Variants in NQO2 observed in about 807,000 individuals in gnomAD.
NQO2 encodes ribosyldihydronicotinamide dehydrogenase [quinone].
NQO2 carries 18 observed loss-of-function variants against 22.0 expected under a neutral mutation model. That is an observed-to-expected ratio of 0.82 (90% CI 0.56 to 1.21). The LOEUF is 1.21. Among genes scored for constraint, NQO2 ranks in the 50% most tolerant of loss-of-function variants. The probability of loss-of-function intolerance (pLI) is 0.00; values close to 1 mark genes in which losing one functional copy is unlikely to be tolerated. For missense variants in NQO2, 267 were observed against 286.9 expected (o/e 0.93, Z 0.50); for synonymous variants, 106 against 110.8 (o/e 0.96, Z 0.28).
At chr6:3,009,909 T>G in intron 2 of NQO2, 116 bp from the exon 3 acceptor site, 2 of 1,440,894 alleles carry the variant, frequency 1.4e-6, no homozygotes, top group Non-Finnish European at 1.8e-6. Flanking sequence ...AAATTTGATA[T>G]TTCTTAGCTT....
At chr6:3,012,102 G>A (rs188473950) in intron 3 of NQO2, among the ~76,000 whole-genome samples, 25 of 152,260 alleles carry the variant, frequency 1.6e-4, no homozygotes, top group African/African-American at 2.6e-4. Flanking sequence ...TAATCACTAC[G>A]TGACCTGTTA....
chr6:3,010,964 A>AT (rs1244502796), intron 3 of NQO2, among the ~76,000 whole-genome samples: 6 of 151,722 alleles, frequency 4.0e-5, no homozygotes, highest in African/African-American at 2.4e-5. Context: ...AAAAAAAAAA[A>AT]TTTAATAAGA....
chr6:3,006,587 C>T lies in NQO2; in HGVS notation c.7+28C>T. The T allele has an allele frequency of 1.7e-6, 2 of 1,183,764 alleles. No homozygotes were observed. Among genetic ancestry groups the T allele is most frequent in the South Asian group, 3.1e-5 (2 of 64,074 alleles). The allele number at this position is 1,183,764 out of a possible 1,614,324, so 73.3% of individuals were successfully genotyped here. On this transcript the variant is annotated intron_variant, in intron 2 of 6. Coordinates refer to ENST00000380455, the MANE Select transcript of NQO2 (RefSeq NM_000904.6). This position sits in a 1 kb window ranked among gnomAD's most constrained non-coding sequence, Gnocchi z 4.0. ...AATGATTCACTATTGTGGAGTAAGA[C>T]TTTTTTTTTTTTGAGATGGGATTTT...
chr6:3,013,024 C>T (rs1156442746), intron 4 of NQO2, among the ~76,000 whole-genome samples: 3 of 126,388 alleles, frequency 2.4e-5, no homozygotes, highest in East Asian at 2.5e-4. Context: ...GGCGGGATCT[C>T]GGCTCACTGC....
Position 3,015,697 on chromosome 6 carries a change from G to A in NQO2, c.417+54G>A. ...GGATAGTTGGAGGGAGGGGACAGAG[G>A]ATGCGTCTTCTATCAAGTTATATTT... On this transcript the variant is annotated intron_variant, in intron 5 of 6. Coordinates refer to ENST00000380455, the MANE Select transcript of NQO2 (RefSeq NM_000904.6). 4 of 1,504,252 alleles carry A rather than the reference G, an allele frequency of 2.7e-6. No individual in the cohort carries two copies. The South Asian group carries it at 4.6e-5, about 17-fold the overall frequency. The allele number at this position is 1,504,252 out of a possible 1,614,324, so 93.2% of individuals were successfully genotyped here.
intron 4 of NQO2, among the ~76,000 whole-genome samples, chr6:3,013,835 T>C (rs1022683803): frequency 2.6e-5 from 4 of 152,128 alleles, no homozygotes; most frequent in African/African-American, 9.7e-5. Context: ...GGGGAATCTA[T>C]TATAAGGGCT....
At position 3,003,466 on chromosome 6, in the gene NQO2, G is replaced by A. The variant is rs148889052; in HGVS notation, c.-85-3002G>A. The A allele has an allele frequency of 7.9e-4, 691 of 876,774 alleles. 13 individuals are homozygous for A. In the East Asian group the frequency reaches 0.022, roughly 28 times the overall value. The allele number at this position is 876,774 out of a possible 1,614,324, so 54.3% of individuals were successfully genotyped here. A position where few individuals can be genotyped will look rare whatever the true frequency, so the allele number is the denominator to read the frequency against. On this transcript the variant is annotated intron_variant, in intron 1 of 6. Transcript: ENST00000380455. Reference sequence around the variant, plus strand: ...CTGAGAATTCTAGGAAAAGCAGAGGGCTGTGCAGGCGCCCCTGCCCCTAGG... The same window carrying A: ...CTGAGAATTCTAGGAAAAGCAGAGGACTGTGCAGGCGCCCCTGCCCCTAGG...
chr6:3,016,808 C>T, intron 5 of NQO2, 76 bp from the exon 6 acceptor site: 1 of 1,572,032 alleles, frequency 6.4e-7, no homozygotes, highest in South Asian at 1.1e-5. Flanking sequence ...TGTGCTGAGC[C>T]CGTGTGCTGG....
chr6:3,012,825 ACACC>A, intron 4 of NQO2, 151 bp downstream of exon 4: 2 of 734,426 alleles, frequency 2.7e-6, no homozygotes, highest in Non-Finnish European at 4.4e-6. Context: ...CCTGGTTACA[ACACC>A]TAGTTACAAC....
chr6:3,004,423 G>A (rs1394713807), intron 1 of NQO2: 6 of 985,710 alleles, frequency 6.1e-6, no homozygotes, highest in Non-Finnish European at 7.2e-6. Context: ...GCCCCACTCT[G>A]TTAAGTCCCA....
chr6:3,018,494 G>A (rs1757417479), intron 6 of NQO2, among the ~76,000 whole-genome samples: 1 of 152,150 alleles, frequency 6.6e-6, no homozygotes, highest in Admixed American at 6.5e-5. Context: ...AACAGAATGA[G>A]AATCCACCTC....
chr6:3,013,807 T>C (rs2113456410), intron 4 of NQO2, among the ~76,000 whole-genome samples: 1 of 152,342 alleles, frequency 6.6e-6, no homozygotes, highest in South Asian at 2.1e-4. Flanking sequence ...CAGAAATTCC[T>C]GTCCAACTAG....
Position 3,015,555 on chromosome 6 carries a change from C to T in NQO2, c.329C>T (p.Pro110Leu), listed in dbSNP as rs538951974. ...TTCCCGCTGTACTGGTTCAGCGTGC[C>T]AGCCATCCTGAAGGGCTGGATGGAT... ...FQFPLYWFSVPAILKGWMDRV... is the reference protein window; with the variant it reads ...FQFPLYWFSVLAILKGWMDRV... The change falls in exon 5 of 7, where the codon CCA becomes CTA. Residue 110 changes from proline (P) to leucine (L), a missense_variant. Transcript: ENST00000380455. 26 of 1,614,098 alleles carry T rather than the reference C, an allele frequency of 1.6e-5. No homozygotes were observed. In the East Asian group the frequency reaches 4.0e-4, roughly 25 times the overall value.
At chr6:3,008,287 C>T (rs1274572169) in intron 2 of NQO2, among the ~76,000 whole-genome samples, 2 of 151,888 alleles carry the variant, frequency 1.3e-5, no homozygotes, top group Non-Finnish European at 1.5e-5. Context: ...GGCGTGGTGG[C>T]GCATGCCTGT....
rs28383601 is a variant in NQO2, at chr6:3,002,575, G to A, written c.-86+2490G>A. ...TCCCCCCACCTCGGCCCCCCAAAAT[G>A]CTGGGATTACAGGTGTGAGCCACCA... On this transcript the variant is annotated intron_variant, in intron 1 of 6. Coordinates refer to ENST00000380455, the MANE Select transcript of NQO2 (RefSeq NM_000904.6). Among the ~76,000 whole-genome samples the A allele has an allele frequency of 6.2e-3, 938 of 152,070 alleles. 4 individuals carry two copies. Among genetic ancestry groups the A allele is most frequent in the Non-Finnish European group, 0.01 (690 of 67,980 alleles).
chr6:3,000,731 C>G (rs938421602), intron 1 of NQO2, among the ~76,000 whole-genome samples: 2 of 151,958 alleles, frequency 1.3e-5, no homozygotes, highest in Non-Finnish European at 2.9e-5. Context: ...TTAGTAGAGA[C>G]GGGTTTCATG....
chr6:3,003,374 CAAG>C (rs1756806629), intron 1 of NQO2, among the ~76,000 whole-genome samples: 1 of 150,970 alleles, frequency 6.6e-6, no homozygotes. Flanking sequence ...ACTGCCCTCC[CAAG>C]AACATCCAGG....
intron 6 of NQO2, among the ~76,000 whole-genome samples, chr6:3,017,482 G>A (rs1757375089): frequency 6.6e-6 from 1 of 152,192 alleles, no homozygotes; most frequent in Non-Finnish European, 1.5e-5. Context: ...ACCCCCACAG[G>A]GGCAAGGGGC....
At chr6:3,014,481 G>A (rs184084351) in intron 4 of NQO2, among the ~76,000 whole-genome samples, 1 of 152,224 alleles carries the variant, frequency 6.6e-6, no homozygotes, top group African/African-American at 2.4e-5. Flanking sequence ...TGTCCCCCTT[G>A]GGTCGGCCGG....
Sources: allele counts gnomAD v4.1 joint callset (sites outside exome capture counted in the v4.1 genomes callset), GRCh38; gene constraint gnomAD v4.1.1; non-coding constraint Gnocchi (gnomAD v3.1); transcripts MANE v1.5; gene names NCBI Gene and HGNC (gene_info 2026-07-23, HGNC 2026-07-21).